PSEN1: variants seen among roughly 807,000 people sequenced by gnomAD.
The protein encoded by PSEN1 is presenilin 1, also known as presenilin-1.
In PSEN1, 15 loss-of-function variants were observed where a neutral mutation model predicts 53.5. The ratio of observed to expected loss-of-function variants is 0.28; its 90% CI spans 0.19 to 0.43. The LOEUF (loss-of-function observed/expected upper bound fraction) is 0.43. PSEN1 is among the 20% of genes least tolerant of loss of function. PSEN1 has a pLI of 1.00. For missense variants in PSEN1, 387 were observed against 571.2 expected (o/e 0.68, Z 3.29); for synonymous variants, 208 against 209.8 (o/e 0.99, Z 0.08).
chr14:73,194,090 C>G (rs1356487215), intron 7 of PSEN1, among the ~76,000 whole-genome samples: 1 of 152,146 alleles, frequency 6.6e-6, no homozygotes, highest in African/African-American at 2.4e-5. Context: ...GACATGGGTC[C>G]TGAACAGTTA....
At position 73,140,335 on chromosome 14, in the gene PSEN1, C is replaced by T. The variant is rs949019614; in HGVS notation, c.-136+3752C>T. Reference sequence around the variant, plus strand: ...AAGTGATTCTTCTGCCTCAGCCTCCCGAGTAGCTGGGACTACAGGCGTGTG... The same window carrying T: ...AAGTGATTCTTCTGCCTCAGCCTCCTGAGTAGCTGGGACTACAGGCGTGTG... On this transcript the variant is annotated intron_variant, in intron 1 of 11. Transcript: ENST00000324501. 4.6e-5 allele frequency among the ~76,000 whole-genome samples: 7 copies of T among 151,322 alleles called. No individual in the cohort carries two copies. The East Asian group carries it at 7.8e-4, about 17-fold the overall frequency.
In PSEN1 at chr14:73,147,891, A is replaced by T; in HGVS notation, c.-54+15A>T. The T allele has an allele frequency of 1.3e-6, 1 of 759,582 alleles. No individual in the cohort carries two copies. The highest frequency in any genetic ancestry group is 2.3e-6 in the Non-Finnish European group (1 of 437,528). The allele number at this position is 759,582 out of a possible 1,614,324, so 47.1% of individuals were successfully genotyped here. On this transcript the variant is annotated intron_variant, in intron 2 of 11. Transcript: ENST00000324501. ...ATGAAAGAAAGGTTTGTTTCTGCTT[A>T]ATGTAATCTATGAAAGTGTTTTTTA... is the stretch of plus-strand genomic sequence containing the variant.
chr14:73,155,071 C>T (rs1046012091), intron 3 of PSEN1, among the ~76,000 whole-genome samples: 11 of 152,156 alleles, frequency 7.2e-5, no homozygotes, highest in Admixed American at 5.2e-4. Context: ...GAAAGTTTAT[C>T]CTATAAAAAT....
intron 8 of PSEN1, among the ~76,000 whole-genome samples, chr14:73,203,581 C>A (rs1899319984): frequency 6.6e-6 from 1 of 152,178 alleles, no homozygotes; most frequent in African/African-American, 2.4e-5. Context: ...ATAATTCTTT[C>A]ATGCATTTTA....
chr14:73,208,849 CA>C (rs1566651918), intron 9 of PSEN1: 1 of 455,306 alleles, frequency 2.2e-6, no homozygotes, highest in East Asian at 7.0e-5. Flanking sequence ...CTGCTGCCAT[CA>C]ACCTGCTGTC....
In PSEN1 at chr14:73,217,225, G is replaced by GT. The variant is rs769933787; in HGVS notation, c.1232dup (p.Val412ArgfsTer81). ...GGAGACTGGAACACAACCATAGCCT[G>GT]TTTCGTAGCCATATTAATTGTAAGT... On this transcript the variant is annotated frameshift_variant, in exon 11 of 12. Coordinates refer to ENST00000324501, the MANE Select transcript of PSEN1 (RefSeq NM_000021.4). LOFTEE classifies it high-confidence loss of function. 1 of 1,614,126 alleles carries GT rather than the reference G, an allele frequency of 6.2e-7. No individual in the cohort carries two copies. Among genetic ancestry groups the GT allele is most frequent in the East Asian group, 2.2e-5 (1 of 44,880 alleles).
At chr14:73,155,437 A>T (rs1252927288) in intron 3 of PSEN1, among the ~76,000 whole-genome samples, 1 of 152,244 alleles carries the variant, frequency 6.6e-6, no homozygotes, top group Non-Finnish European at 1.5e-5. Context: ...AACATTTCTT[A>T]TCAAAATTGC....
intron 5 of PSEN1, among the ~76,000 whole-genome samples, chr14:73,183,492 G>A (rs569418473): frequency 1.3e-3 from 196 of 152,112 alleles, no homozygotes; most frequent in Admixed American, 5.2e-3. Flanking sequence ...AGGGAGTGGT[G>A]ATGACTCTTA....
chr14:73,214,872 A>G (rs1899847978), intron 10 of PSEN1, among the ~76,000 whole-genome samples: 1 of 152,218 alleles, frequency 6.6e-6, no homozygotes, highest in African/African-American at 2.4e-5. Flanking sequence ...ATGGTAGCAC[A>G]ATGATACGAT....
At position 73,207,635 on chromosome 14, in the gene PSEN1, C is replaced by T. The variant is rs570808816; in HGVS notation, c.955+1163C>T. ...AGAACAAGGTCATGTTAGACTCTCA[C>T]GGGATCCTTAGGGTGTGACTTTGCT... On this transcript the variant is annotated intron_variant, in intron 9 of 11. Coordinates refer to ENST00000324501, the MANE Select transcript of PSEN1 (RefSeq NM_000021.4). Among the ~76,000 whole-genome samples the T allele has an allele frequency of 7.2e-5, 11 of 152,344 alleles. No individual in the cohort carries two copies. The South Asian group carries it at 2.1e-3, about 29-fold the overall frequency.
chr14:73,179,872 G>A lies in PSEN1; in HGVS notation c.480+6165G>A, dbSNP rs192266119. 5.4e-4 allele frequency among the ~76,000 whole-genome samples: 83 copies of A among 152,316 alleles called. No homozygotes were observed. In the Middle Eastern group the frequency reaches 0.017, roughly 31 times the overall value. On this transcript the variant is annotated intron_variant, in intron 5 of 11. Transcript: ENST00000324501. ...GCTGCCTGCTTTCTGCCCAGGTTTT[G>A]TAACTGTATTCAGTGGGATAGAGAG...
chr14:73,212,148 G>A (rs1395742378), intron 10 of PSEN1, among the ~76,000 whole-genome samples: 1 of 104,958 alleles, frequency 9.5e-6, no homozygotes, highest in Non-Finnish European at 1.8e-5. Flanking sequence ...GTCTCGCTCT[G>A]TCGCCAGGTT....
chr14:73,191,545 T>A (rs929415459), intron 6 of PSEN1, among the ~76,000 whole-genome samples: 4 of 151,984 alleles, frequency 2.6e-5, no homozygotes, highest in African/African-American at 9.7e-5. Flanking sequence ...TACATATATT[T>A]TTTTTTTCTT....
intron 5 of PSEN1, among the ~76,000 whole-genome samples, chr14:73,186,361 A>G (rs1159359395): frequency 6.6e-6 from 1 of 152,156 alleles, no homozygotes; most frequent in African/African-American, 2.4e-5. Context: ...TCTGGGCAAC[A>G]AGAGCGAAAC....
chr14:73,187,550 A>T (rs1465063446), intron 6 of PSEN1, among the ~76,000 whole-genome samples: 2 of 152,226 alleles, frequency 1.3e-5, no homozygotes, highest in Admixed American at 6.5e-5. Context: ...AGCAAATATG[A>T]GAATCTATGT....
intron 3 of PSEN1, among the ~76,000 whole-genome samples, chr14:73,151,989 G>A (rs1457445528): frequency 8.2e-6 from 1 of 121,566 alleles, no homozygotes; most frequent in African/African-American, 3.2e-5. Flanking sequence ...TCGGCTCACT[G>A]CAAGTTCTGC....
chr14:73,210,693 A>G (rs1157691037), intron 9 of PSEN1, among the ~76,000 whole-genome samples: 2 of 152,198 alleles, frequency 1.3e-5, no homozygotes, highest in African/African-American at 2.4e-5. Flanking sequence ...GGAGATCTGG[A>G]TAATAAAAAG....
intron 8 of PSEN1, among the ~76,000 whole-genome samples, chr14:73,202,432 A>C (rs1156746106): frequency 1.9e-4 from 2 of 10,634 alleles, no homozygotes; most frequent in African/African-American, 8.9e-4. Flanking sequence ...ATATATATAT[A>C]TATATATATA....
chr14:73,207,631 C>T (rs1045480195), intron 9 of PSEN1, among the ~76,000 whole-genome samples: 1 of 152,226 alleles, frequency 6.6e-6, no homozygotes, highest in Non-Finnish European at 1.5e-5. Flanking sequence ...ATGTTAGACT[C>T]TCACGGGATC....
Sources: allele counts gnomAD v4.1 joint callset (sites outside exome capture counted in the v4.1 genomes callset), GRCh38; gene constraint gnomAD v4.1.1; transcripts MANE v1.5; gene names NCBI Gene and HGNC (gene_info 2026-07-23, HGNC 2026-07-21).